SMOC2: variants seen among roughly 807,000 people sequenced by gnomAD.
SMOC2 encodes the protein SPARC-related modular calcium-binding protein 2.
A neutral mutation model predicts 61.4 loss-of-function variants in SMOC2; 39 were observed. The observed-to-expected ratio is 0.64, with a 90% CI of 0.49 to 0.83. SMOC2 has a LOEUF of 0.83. SMOC2 is among the 40% of genes least tolerant of loss of function. The pLI is 0.00. For synonymous variants in SMOC2, 247 were observed against 239.9 expected (o/e 1.03, Z -0.27); for missense variants, 556 against 592.9 (o/e 0.94, Z 0.65).
intron 1 of SMOC2, among the ~76,000 whole-genome samples, chr6:168,500,625 A>T (rs1387815267): frequency 6.6e-6 from 1 of 152,044 alleles, no homozygotes; most frequent in Non-Finnish European, 1.5e-5. Context: ...GGCTCTGAAG[A>T]CAACACTCTT....
chr6:168,664,169 A>C, intron 12 of SMOC2, 58 bp downstream of exon 12: 1 of 1,386,334 alleles, frequency 7.2e-7, no homozygotes, highest in East Asian at 2.3e-5. Context: ...AAACAATAAA[A>C]ATTCAGAGTT....
intron 1 of SMOC2, among the ~76,000 whole-genome samples, chr6:168,508,484 T>A (rs560679513): frequency 3.4e-4 from 52 of 152,326 alleles, no homozygotes; most frequent in Admixed American, 1.5e-3. Context: ...CACCTGGTGA[T>A]CCGCAGCCAC....
At chr6:168,599,665 C>CAT (rs1785479068) in intron 8 of SMOC2, among the ~76,000 whole-genome samples, 1 of 63,182 alleles carries the variant, frequency 1.6e-5, no homozygotes, top group South Asian at 5.5e-4. Flanking sequence ...CCCACACTCA[C>CAT]ACACTCCCCT....
intron 2 of SMOC2, among the ~76,000 whole-genome samples, chr6:168,523,587 G>T (rs1358784777): frequency 6.7e-6 from 1 of 150,266 alleles, no homozygotes; most frequent in Admixed American, 6.7e-5. Context: ...TTTTAGTAGA[G>T]ACGGGGTTTC....
At chr6:168,608,424 C>T (rs531466966) in intron 9 of SMOC2, among the ~76,000 whole-genome samples, 185 bp downstream of exon 9, 1 of 152,340 alleles carries the variant, frequency 6.6e-6, no homozygotes, top group East Asian at 1.9e-4. Context: ...GGAGCCCACA[C>T]GGGGAGCACC....
intron 8 of SMOC2, among the ~76,000 whole-genome samples, chr6:168,604,043 T>C (rs977776827): frequency 6.6e-6 from 1 of 152,272 alleles, no homozygotes; most frequent in Non-Finnish European, 1.5e-5. Context: ...TCAGCCTCCA[T>C]TGAGGCTGTC....
At chr6:168,656,954 A>T (rs1473295265) in intron 11 of SMOC2, among the ~76,000 whole-genome samples, 1 of 152,140 alleles carries the variant, frequency 6.6e-6, no homozygotes, top group African/African-American at 2.4e-5. Context: ...CGGCCATCCG[A>T]TGAGGTCAGA....
At chr6:168,615,090 T>C in intron 9 of SMOC2, among the ~76,000 whole-genome samples, 1 of 89,966 alleles carries the variant, frequency 1.1e-5, no homozygotes, top group Non-Finnish European at 2.2e-5. Flanking sequence ...GCACAGGGCC[T>C]CTTCACACCT....
In SMOC2 at chr6:168,605,328, A is replaced by G. The variant is rs1785658727; in HGVS notation, c.825-2829A>G. Among the ~76,000 whole-genome samples the G allele has an allele frequency of 2.0e-5, 3 of 152,162 alleles. No homozygotes were observed. The South Asian group carries it at 6.2e-4, about 32-fold the overall frequency. On this transcript the variant is annotated intron_variant, in intron 8 of 12. Transcript: ENST00000356284. ...GGGGTGTGCAGGGGATCATGTGGGC[A>G]TAGGACTGCATTTCTCCCTGGCAGA...
chr6:168,451,993 C>T (rs1449146983), intron 1 of SMOC2, among the ~76,000 whole-genome samples: 1 of 152,164 alleles, frequency 6.6e-6, no homozygotes, highest in Non-Finnish European at 1.5e-5. Flanking sequence ...GGTTGTCTCC[C>T]AGGTTCCCTG....
At chr6:168,651,819 T>A (rs1787200405) in intron 10 of SMOC2, among the ~76,000 whole-genome samples, 1 of 152,168 alleles carries the variant, frequency 6.6e-6, no homozygotes, top group Non-Finnish European at 1.5e-5. Context: ...GGCAGGTGGA[T>A]CACCTGAGGT....
intron 1 of SMOC2, among the ~76,000 whole-genome samples, chr6:168,488,627 C>T (rs9456126): frequency 6.6e-6 from 1 of 152,188 alleles, no homozygotes; most frequent in Non-Finnish European, 1.5e-5. Flanking sequence ...GGTTCTCAAT[C>T]GAATCGTCTG....
At chr6:168,485,290 G>A (rs1782304826) in intron 1 of SMOC2, among the ~76,000 whole-genome samples, 1 of 152,066 alleles carries the variant, frequency 6.6e-6, no homozygotes, top group Non-Finnish European at 1.5e-5. Context: ...TTTAATCAGA[G>A]TTCTCTTATG....
In SMOC2 at chr6:168,650,812, G is replaced by A. The variant is rs758225624; in HGVS notation, c.1010+29G>A. On this transcript the variant is annotated intron_variant, in intron 10 of 12. Transcript: ENST00000356284. ...CGCTGTGTTCGCCGTGGGACAACAA[G>A]TTGGCAGGGTCCCAGAATTCTGGGG... 7 of 1,583,426 alleles carry A rather than the reference G, an allele frequency of 4.4e-6. No homozygotes were observed. The Admixed American group carries it at 6.9e-5, about 16-fold the overall frequency.
chr6:168,632,500 C>G (rs1422702230), intron 9 of SMOC2, among the ~76,000 whole-genome samples: 1 of 152,230 alleles, frequency 6.6e-6, no homozygotes, highest in Admixed American at 6.5e-5. Flanking sequence ...TGAATAGTTT[C>G]AAATCAGTGA....
chr6:168,463,789 A>G (rs1781765599), intron 1 of SMOC2, among the ~76,000 whole-genome samples: 1 of 152,194 alleles, frequency 6.6e-6, no homozygotes, highest in African/African-American at 2.4e-5. Flanking sequence ...TCATCTCTAC[A>G]GGGGCACACT....
At chr6:168,578,351 T>A (rs2115154242) in intron 7 of SMOC2, among the ~76,000 whole-genome samples, 1 of 152,290 alleles carries the variant, frequency 6.6e-6, no homozygotes, top group South Asian at 2.1e-4. Flanking sequence ...TTGAATGAGG[T>A]CATGAATGGG....
intron 7 of SMOC2, among the ~76,000 whole-genome samples, chr6:168,590,979 T>G (rs1417975787): frequency 6.6e-6 from 1 of 152,230 alleles, no homozygotes; most frequent in Non-Finnish European, 1.5e-5. Flanking sequence ...TTATAAAACT[T>G]AAAATTTATA....
intron 1 of SMOC2, among the ~76,000 whole-genome samples, chr6:168,448,431 TG>T (rs1354245395): frequency 2.7e-5 from 3 of 109,236 alleles, no homozygotes; most frequent in African/African-American, 1.4e-4. Flanking sequence ...AGGACGATGA[TG>T]GGGAGAAGGA....
Sources: gnomAD v4.1 joint callset for allele counts (sites outside exome capture counted in the v4.1 genomes callset) on GRCh38, gnomAD v4.1.1 for gene constraint, MANE v1.5 for transcripts, NCBI Gene and HGNC (gene_info 2026-07-23, HGNC 2026-07-21) for gene names.